FAT2: variants seen among roughly 807,000 people sequenced by gnomAD.
The protein encoded by FAT2 is protocadherin Fat 2.
Under a neutral mutation model 295.3 loss-of-function variants are expected in FAT2, and 150 were observed. The observed-to-expected ratio is 0.51, with a 90% CI of 0.44 to 0.58. FAT2 has a LOEUF of 0.58. FAT2 is among the 20% of genes least tolerant of loss of function. FAT2 has a pLI of 0.00. For missense variants in FAT2, 4,868 were observed against 5,442.7 expected, an observed-to-expected ratio of 0.89 and a Z score of 3.32; for synonymous variants, 2,026 against 2,150.3, an observed-to-expected ratio of 0.94 and a Z score of 1.60.
chr5:151,533,672 C>T (rs887696436), intron 13 of FAT2, among the ~76,000 whole-genome samples: 3 of 151,756 alleles, frequency 2.0e-5, no homozygotes, highest in Non-Finnish European at 4.4e-5. Context: ...TTTTTTTACC[C>T]TATCTGAATT....
rs747936812 is a variant in FAT2, at chr5:151,565,661, C to G, written c.3259+12G>C. ...CTGGCCCTGGCACCCCACCCTACCC[C>G]ACCCCCAGTACCTGTATCTTGGTTG... On this transcript the variant is annotated intron_variant, in intron 2 of 23. Coordinates refer to ENST00000261800, the MANE Select transcript of FAT2 (RefSeq NM_001447.3). 5 of 1,550,284 alleles carry G rather than the reference C, an allele frequency of 3.2e-6. No homozygotes were observed. Among genetic ancestry groups the G allele is most frequent in the Middle Eastern group, 3.5e-4 (2 of 5,656 alleles).
chr5:151,562,320 A>G (rs1385932222), intron 3 of FAT2, among the ~76,000 whole-genome samples: 3 of 152,160 alleles, frequency 2.0e-5, no homozygotes, highest in Non-Finnish European at 4.4e-5. Context: ...GGAGACGGAA[A>G]ACAGGATGTT....
At chr5:151,520,822 T>A (rs777168317) in intron 19 of FAT2, among the ~76,000 whole-genome samples, 4 of 152,228 alleles carry the variant, frequency 2.6e-5, no homozygotes, top group Non-Finnish European at 5.9e-5. Flanking sequence ...ATAGTAGCAG[T>A]ATTAGTAACT....
At chr5:151,554,290 T>G in intron 5 of FAT2, 72 bp downstream of exon 5, 1 of 1,415,514 alleles carries the variant, frequency 7.1e-7, no homozygotes, top group South Asian at 1.3e-5. Flanking sequence ...GTCTCCCTCC[T>G]CCTGAATTCT....
intron 1 of FAT2, among the ~76,000 whole-genome samples, chr5:151,586,004 C>A (rs1759153394): frequency 1.3e-5 from 2 of 152,188 alleles, no homozygotes; most frequent in African/African-American, 4.8e-5. Context: ...AACTCAAGCA[C>A]CCCGACTCCA....
At chr5:151,579,538 C>T (rs1758865364) in intron 1 of FAT2, among the ~76,000 whole-genome samples, 1 of 152,140 alleles carries the variant, frequency 6.6e-6, no homozygotes, top group Admixed American at 6.5e-5. Context: ...CACCACTGCA[C>T]TCCAGCCTGG....
chr5:151,536,694 G>A (rs1755337748), intron 12 of FAT2, among the ~76,000 whole-genome samples: 1 of 152,204 alleles, frequency 6.6e-6, no homozygotes, highest in Admixed American at 6.5e-5. Flanking sequence ...CATCCACTGA[G>A]CCAGACCTGG....
At position 151,506,046 on chromosome 5, in the gene FAT2, C is replaced by T. The variant is rs758200098; in HGVS notation, c.12569G>A (p.Arg4190His). The change falls in exon 24 of 24, where the codon CGC (arginine) becomes CAC (histidine). Residue 4190 changes from arginine to histidine, a missense_variant. Arg to His is a conservative substitution (Grantham distance 29). Coordinates refer to ENST00000261800, the MANE Select transcript of FAT2 (RefSeq NM_001447.3). ...CACTTCGGAGTGGGGGTATTCCCAG[C>T]GTTCGTTCCTGGAGTAAGTAGGGGG... The part of the protein sequence containing the change: ...VWPPTYSRNE[R>H]WEYPHSEVTQ... 6.4e-7 allele frequency: 1 copy of T among 1,560,334 alleles called. No homozygotes were observed. The highest frequency in any genetic ancestry group is 1.2e-5 in the South Asian group (1 of 81,540).
chr5:151,546,378 G>T, intron 9 of FAT2, 41 bp from the exon 10 acceptor site: 1 of 1,486,344 alleles, frequency 6.7e-7, no homozygotes, highest in South Asian at 1.2e-5. Context: ...CCACACCCTC[G>T]ACAGGTATCA....
intron 21 of FAT2, chr5:151,511,461 TC>T: frequency 6.6e-6 from 1 of 152,444 alleles, no homozygotes; most frequent in East Asian, 1.9e-4. Flanking sequence ...GCCTGTGACT[TC>T]CACCCCTGGG....
intron 1 of FAT2, among the ~76,000 whole-genome samples, chr5:151,573,420 C>T (rs567964001): frequency 3.9e-5 from 6 of 152,268 alleles, no homozygotes; most frequent in African/African-American, 1.4e-4. Flanking sequence ...CTTTGGGAGG[C>T]CAAGCGGGGC....
intron 9 of FAT2, among the ~76,000 whole-genome samples, chr5:151,546,768 GA>G (rs1418545743): frequency 1.3e-5 from 2 of 152,022 alleles, no homozygotes; most frequent in South Asian, 4.2e-4. Flanking sequence ...ACCCAGGCTG[GA>G]ATGTAGTGAT....
chr5:151,584,615 C>T (rs1759099496), intron 1 of FAT2, among the ~76,000 whole-genome samples: 1 of 152,216 alleles, frequency 6.6e-6, no homozygotes, highest in Non-Finnish European at 1.5e-5. Context: ...TTGATTATAG[C>T]ACCTAGCACT....
chr5:151,542,351 C>T lies in FAT2; in HGVS notation c.8776G>A (p.Ala2926Thr). Residue 2926 changes from alanine (A) to threonine (T), a missense_variant, in exon 10 of 24, where the codon GCG becomes ACG. Around this residue, in one of 5 missense-constraint regions of FAT2, gnomAD observed 3,297 missense variants for 3,669.4 expected, o/e 0.90. Coordinates refer to ENST00000261800, the MANE Select transcript of FAT2 (RefSeq NM_001447.3). ...TCAGCATCCAGGGTCTTTAGAGTCGCCACCAGTTCGCCAGGCTCACTGTTC... is the reference window on the plus strand; with the variant it reads ...TCAGCATCCAGGGTCTTTAGAGTCGTCACCAGTTCGCCAGGCTCACTGTTC... ...VENSEPGELV[A>T]TLKTLDADIS... is the part of the protein sequence containing the mutation. 1 of 1,614,032 alleles carries T rather than the reference C, an allele frequency of 6.2e-7. No individual in the cohort carries two copies. The highest frequency in any genetic ancestry group is 2.2e-5 in the East Asian group (1 of 44,882).
At chr5:151,523,035 TCTC>T (rs1199487413) in intron 18 of FAT2, among the ~76,000 whole-genome samples, 1 of 152,148 alleles carries the variant, frequency 6.6e-6, no homozygotes, top group East Asian at 1.9e-4. Context: ...CTTGCCTTCT[TCTC>T]CTCAGTGATG....
rs926408581 is a variant in FAT2 at position 151,505,350 on chromosome 5, C to T, written c.*215G>A. On this transcript the variant is annotated 3_prime_UTR_variant, in exon 24 of 24. Transcript: ENST00000261800. ...CTCTAGAAATGCCCCTCTCCTGGGA[C>T]CCTAGTGCTGTTTCTGGAGCTCTAT... The T allele has an allele frequency of 6.5e-6, 4 of 613,706 alleles. No individual in the cohort carries two copies. The highest frequency in any genetic ancestry group is 5.6e-5 in the East Asian group (2 of 35,774). 38.0% of individuals were successfully genotyped at this position (613,706 alleles called of 1,614,324 possible). A position where few individuals can be genotyped will look rare whatever the true frequency, so the allele number is the denominator to read the frequency against.
Position 151,521,663 on chromosome 5 carries a change from C to G in FAT2, c.10930G>C (p.Val3644Leu). Reference sequence around the variant, plus strand: ...TGCAGGTTCCGCCAGTGGTCACTCACCAGCTCCTCGGGGGTGAGCTGGTAG... The same window carrying G: ...TGCAGGTTCCGCCAGTGGTCACTCAGCAGCTCCTCGGGGGTGAGCTGGTAG... ...GFYQLTPEEL[V>L]SDHWRNLQRF... Residue 3644 changes from valine to leucine, a missense_variant, in exon 19 of 24, where the codon GTG becomes CTG. Val to Leu is a conservative substitution (Grantham distance 32). Transcript: ENST00000261800. 2 of 1,614,084 alleles carry G rather than the reference C, an allele frequency of 1.2e-6. No homozygotes were observed. The highest frequency in any genetic ancestry group is 1.7e-6 in the Non-Finnish European group (2 of 1,180,046).
chr5:151,551,662 C>T, intron 6 of FAT2, 56 bp from the exon 7 acceptor site: 1 of 1,592,376 alleles, frequency 6.3e-7, no homozygotes, highest in South Asian at 1.1e-5. Flanking sequence ...GGCAGCATAG[C>T]ATAAGATAGG....
At chr5:151,528,874 G>A (rs767946717) in intron 15 of FAT2, among the ~76,000 whole-genome samples, 1 of 152,176 alleles carries the variant, frequency 6.6e-6, no homozygotes, top group Non-Finnish European at 1.5e-5. Flanking sequence ...AGAGCCTCTG[G>A]CAGTCCTCTG....
Sources: allele counts gnomAD v4.1 joint callset (sites outside exome capture counted in the v4.1 genomes callset), GRCh38; gene constraint gnomAD v4.1.1; regional missense constraint gnomAD v4.1.1; transcripts MANE v1.5; gene names NCBI Gene and HGNC (gene_info 2026-07-23, HGNC 2026-07-21).